Variants in TRRAP observed in about 807,000 individuals in gnomAD.
The protein encoded by TRRAP is transformation/transcription domain associated protein, also known as transformation/transcription domain-associated protein.
A neutral mutation model predicts 438.8 loss-of-function variants in TRRAP; 41 were observed. The observed-to-expected ratio is 0.09, with a 90% CI of 0.07 to 0.12. The LOEUF (loss-of-function observed/expected upper bound fraction) is 0.12, where lower values mean the gene tolerates loss of function less well. Among genes scored for constraint, TRRAP ranks in the 10% least tolerant of loss-of-function variants. TRRAP has a pLI of 1.00. For synonymous variants in TRRAP, 1,994 were observed against 1,962.9 expected (o/e 1.02, Z -0.42); for missense variants, 3,122 against 5,055.1 (o/e 0.62, Z 11.60).
intron 21 of TRRAP, among the ~76,000 whole-genome samples, chr7:98,922,312 T>G (rs1436310602): frequency 1.3e-5 from 2 of 152,210 alleles, no homozygotes; most frequent in African/African-American, 4.8e-5. Flanking sequence ...TCTCCCATTC[T>G]CTATCCAAAC....
intron 67 of TRRAP, among the ~76,000 whole-genome samples, chr7:99,001,342 A>G (rs1236214992): frequency 1.3e-5 from 2 of 152,220 alleles, no homozygotes; most frequent in Non-Finnish European, 1.5e-5. Flanking sequence ...CCTCAGGCTT[A>G]TTGTGAAGTG....
intron 22 of TRRAP, among the ~76,000 whole-genome samples, chr7:98,926,213 CAG>C (rs1410705981): frequency 6.6e-6 from 1 of 151,960 alleles, no homozygotes; most frequent in Non-Finnish European, 1.5e-5. Context: ...TCAAAAAGAG[CAG>C]AGAGACATAA....
intron 39 of TRRAP, among the ~76,000 whole-genome samples, chr7:98,951,825 G>T (rs1791349615): frequency 1.3e-5 from 2 of 152,158 alleles, no homozygotes; most frequent in Admixed American, 6.5e-5. Flanking sequence ...GAGCCCAAGG[G>T]TTTATTCTTG....
rs781953991 is a variant in TRRAP, at chr7:98,931,627, G to A, written c.3814G>A (p.Gly1272Arg). Residue 1272 changes from glycine to arginine, a missense_variant, in exon 26 of 73, where the codon GGG becomes AGG. Transcript: ENST00000456197. ...GCTGCAGGTGTTGGCCCAGGTCACT[G>A]GGAAGAGTGTCACGGTGATCATGGA... Reference protein sequence around the residue: ...HSLQVLAQVTGKSVTVIMEPH... With the variant: ...HSLQVLAQVTRKSVTVIMEPH... 1 of 1,614,202 alleles carries A rather than the reference G, an allele frequency of 6.2e-7. No homozygotes were observed. The highest frequency in any genetic ancestry group is 1.1e-5 in the South Asian group (1 of 91,080).
At chr7:98,925,804 C>T (rs550570269) in intron 22 of TRRAP, among the ~76,000 whole-genome samples, 1 of 152,250 alleles carries the variant, frequency 6.6e-6, no homozygotes, top group African/African-American at 2.4e-5. Context: ...TTCACTGCAT[C>T]AGAAGTGATG....
At chr7:98,913,008 T>C (rs1300503999) in intron 18 of TRRAP, among the ~76,000 whole-genome samples, 1 of 152,204 alleles carries the variant, frequency 6.6e-6, no homozygotes, top group African/African-American at 2.4e-5. Context: ...CTGGGTCTTT[T>C]GCTCTTAAGT....
At chr7:98,940,829 CT>C (rs1218963474) in intron 30 of TRRAP, among the ~76,000 whole-genome samples, 1 of 152,184 alleles carries the variant, frequency 6.6e-6, no homozygotes, top group Non-Finnish European at 1.5e-5. Context: ...AAGGGACACA[CT>C]TTTCCCTACT....
intron 23 of TRRAP, among the ~76,000 whole-genome samples, chr7:98,928,111 G>T (rs916388282): frequency 6.6e-6 from 1 of 152,128 alleles, no homozygotes; most frequent in Non-Finnish European, 1.5e-5. Context: ...GGTGGTGCAT[G>T]CCTGTAATCC....
chr7:98,905,534 T>G lies in TRRAP; in HGVS notation c.1037-643T>G, dbSNP rs189153858. On this transcript the variant is annotated intron_variant, in intron 12 of 72. Coordinates refer to ENST00000456197, the MANE Select transcript of TRRAP (RefSeq NM_001375524.1). Reference sequence around the variant, plus strand: ...CTCAGAAGCCTGAATTGTCCCTGAGTGGTGACCGGTTGTTTCTATAGAACC... The same window carrying G: ...CTCAGAAGCCTGAATTGTCCCTGAGGGGTGACCGGTTGTTTCTATAGAACC... 2.8e-4 allele frequency among the ~76,000 whole-genome samples: 43 copies of G among 152,170 alleles called. No individual in the cohort carries two copies. The East Asian group carries it at 8.3e-3, about 29-fold the overall frequency.
chr7:98,906,083 CT>C (rs199714148), intron 12 of TRRAP, 93 bp from the exon 13 acceptor site: 1 of 938,868 alleles, frequency 1.1e-6, no homozygotes, highest in Non-Finnish European at 1.5e-6. Context: ...GCATATCAGA[CT>C]GGCGGGCTGG....
In TRRAP at chr7:98,953,031, TTGTGTGTGTGTGTGTG is replaced by T. The variant is rs57047314; in HGVS notation, c.5464-102_5464-87del. On this transcript the variant is annotated intron_variant, in intron 39 of 72. Coordinates refer to ENST00000456197, the MANE Select transcript of TRRAP (RefSeq NM_001375524.1). ...CCTCCTTGTAAAACTTCATGTTACA[TTGTGTGTGTGTGTGTG>T]TGTGTGTGTGTGTGTGTGTGTGTGT... 9.9e-4 allele frequency: 1,153 copies of T among 1,170,146 alleles called. 10 individuals carry two copies. The African/African-American group carries it at 0.019, about 19-fold the overall frequency. 72.5% of individuals were successfully genotyped at this position (1,170,146 alleles called of 1,614,324 possible). A position where few individuals can be genotyped will look rare whatever the true frequency, so the allele number is the denominator to read the frequency against.
chr7:98,995,473 C>T (rs1793610186), intron 67 of TRRAP, among the ~76,000 whole-genome samples: 2 of 152,016 alleles, frequency 1.3e-5, no homozygotes, highest in South Asian at 2.1e-4. Flanking sequence ...TTCTGGGCAT[C>T]GTAATAGGGA....
chr7:98,953,214 C>T lies in TRRAP; in HGVS notation c.5511C>T (p.Ile1837=), dbSNP rs561521922. ...CGGACATGCTGGACTCGCTGCGGATCTACCTGCTGCAGTACGCCACGCTGC... is the reference window on the plus strand; with the variant it reads ...CGGACATGCTGGACTCGCTGCGGATTTACCTGCTGCAGTACGCCACGCTGC... ...KQADMLDSLR[I]YLLQYATLLV... The change falls in exon 40 of 73, where the codon ATC becomes ATT. Residue 1837 remains isoleucine (I), a synonymous_variant. Coordinates refer to ENST00000456197, the MANE Select transcript of TRRAP (RefSeq NM_001375524.1). The T allele has an allele frequency of 6.2e-7, 1 of 1,613,490 alleles. No individual in the cohort carries two copies. Among genetic ancestry groups the T allele is most frequent in the South Asian group, 1.1e-5 (1 of 91,042 alleles).
At chr7:98,896,882 G>A (rs527886351) in intron 7 of TRRAP, among the ~76,000 whole-genome samples, 56 of 152,206 alleles carry the variant, frequency 3.7e-4, no homozygotes, top group Non-Finnish European at 5.9e-4. Context: ...CTTGTTGAAC[G>A]TGAAACCCCA....
At chr7:98,888,839 T>C (rs1223678337) in intron 3 of TRRAP, among the ~76,000 whole-genome samples, 1 of 152,158 alleles carries the variant, frequency 6.6e-6, no homozygotes, top group African/African-American at 2.4e-5. Context: ...TCCTTAGTCT[T>C]TTTGTTTGAT....
intron 5 of TRRAP, among the ~76,000 whole-genome samples, chr7:98,893,243 C>G (rs1796054965): frequency 6.6e-6 from 1 of 152,236 alleles, no homozygotes; most frequent in South Asian, 2.1e-4. Flanking sequence ...AGCCACCTCG[C>G]CCAGCCCTCC....
intron 22 of TRRAP, among the ~76,000 whole-genome samples, 162 bp from the exon 23 acceptor site, chr7:98,927,005 C>T (rs1026267991): frequency 1.3e-5 from 2 of 152,078 alleles, no homozygotes; most frequent in Non-Finnish European, 2.9e-5. Context: ...GGTGACAGAG[C>T]GAGACTCCAT....
intron 64 of TRRAP, among the ~76,000 whole-genome samples, chr7:98,991,688 C>T (rs1393924292): frequency 6.6e-6 from 1 of 152,234 alleles, no homozygotes; most frequent in African/African-American, 2.4e-5. Flanking sequence ...GACATCCCTC[C>T]ATCTCCTCCC....
chr7:99,005,259 G>A lies in TRRAP; in HGVS notation c.10664G>A (p.Arg3555Gln). The change falls in exon 69 of 73, where the codon CGA (arginine) becomes CAA (glutamine). Residue 3555 changes from arginine (R) to glutamine (Q), a missense_variant. By Grantham distance (43) the Arg-to-Gln change is conservative (BLOSUM62 1). Transcript: ENST00000456197. This position sits in a 1 kb window ranked among gnomAD's most constrained non-coding sequence, Gnocchi z 5.1. ...GACGCCTGCCTCACAGAGTCACGGC[G>A]AGAGGAGCGTGTGTTGCAGCTGCTG... ...MNDACLTESR[R>Q]EERVLQLLRL... 1 of 1,614,196 alleles carries A rather than the reference G, an allele frequency of 6.2e-7. No homozygotes were observed. Among genetic ancestry groups the A allele is most frequent in the Non-Finnish European group, 8.5e-7 (1 of 1,180,052 alleles).
Sources: allele counts gnomAD v4.1 joint callset (sites outside exome capture counted in the v4.1 genomes callset), GRCh38; gene constraint gnomAD v4.1.1; non-coding constraint Gnocchi (gnomAD v3.1); transcripts MANE v1.5; gene names NCBI Gene and HGNC (gene_info 2026-07-23, HGNC 2026-07-21).